The following PTPRG variants were observed in gnomAD, a reference collection of about 807,000 sequenced individuals.
PTPRG encodes the protein protein tyrosine phosphatase receptor type G.
In PTPRG, 102 loss-of-function variants were observed where a neutral mutation model predicts 165.3. The ratio of observed to expected loss-of-function variants is 0.62; its 90% CI spans 0.53 to 0.73. PTPRG has a LOEUF of 0.73. Among genes scored for constraint, PTPRG ranks in the 30% least tolerant of loss-of-function variants. The pLI is 0.00. For synonymous variants in PTPRG, 675 were observed against 669.5 expected (o/e 1.01, Z -0.13); for missense variants, 1,866 against 1,861.4 (o/e 1.00, Z -0.05).
chr3:62,094,406 T>C (rs1702041045), intron 5 of PTPRG, among the ~76,000 whole-genome samples: 1 of 151,336 alleles, frequency 6.6e-6, no homozygotes, highest in East Asian at 1.9e-4. Context: ...GTGGAGATCT[T>C]GTACTTTGGA....
At chr3:61,795,298 G>A (rs2035009912) in intron 2 of PTPRG, among the ~76,000 whole-genome samples, 1 of 152,058 alleles carries the variant, frequency 6.6e-6, no homozygotes, top group Non-Finnish European at 1.5e-5. Context: ...GGCTGGTGAA[G>A]GTCAAGAAGT....
At chr3:61,773,090 G>T (rs1336466851) in intron 2 of PTPRG, among the ~76,000 whole-genome samples, 1 of 152,162 alleles carries the variant, frequency 6.6e-6, no homozygotes, top group African/African-American at 2.4e-5. Flanking sequence ...AAAACATGCA[G>T]GTGTCTATCT....
intron 2 of PTPRG, among the ~76,000 whole-genome samples, chr3:61,868,813 G>C (rs561814084): frequency 1.3e-4 from 20 of 152,096 alleles, no homozygotes; most frequent in Non-Finnish European, 2.2e-4. Flanking sequence ...AACTCCTTTG[G>C]GCATTGGTCT....
At chr3:61,757,738 T>C (rs1008240717) in intron 2 of PTPRG, among the ~76,000 whole-genome samples, 3 of 152,216 alleles carry the variant, frequency 2.0e-5, no homozygotes, top group Non-Finnish European at 4.4e-5. Context: ...ATACAGAAGT[T>C]GTATATAAAT....
chr3:61,893,144 T>G (rs1236193973), intron 2 of PTPRG, among the ~76,000 whole-genome samples: 2 of 152,294 alleles, frequency 1.3e-5, no homozygotes, highest in East Asian at 3.9e-4. Flanking sequence ...GTGGAGGAAG[T>G]TCTAATTGGA....
chr3:61,826,808 T>C (rs1178806844), intron 2 of PTPRG, among the ~76,000 whole-genome samples: 1 of 151,248 alleles, frequency 6.6e-6, no homozygotes, highest in East Asian at 1.9e-4. Flanking sequence ...TAGCCAAATA[T>C]AAAACGTTCT....
intron 2 of PTPRG, among the ~76,000 whole-genome samples, chr3:61,771,963 G>A (rs917613163): frequency 3.3e-5 from 5 of 151,268 alleles, no homozygotes; most frequent in African/African-American, 1.2e-4. Flanking sequence ...AGGAGGCTGA[G>A]GCAGGAGAAT....
chr3:61,932,042 A>G (rs987182737), intron 2 of PTPRG, among the ~76,000 whole-genome samples: 8 of 152,204 alleles, frequency 5.3e-5, no homozygotes, highest in Non-Finnish European at 1.2e-4. Flanking sequence ...TATTTAAAAC[A>G]TGTTTTTTGC....
intron 5 of PTPRG, among the ~76,000 whole-genome samples, chr3:62,118,720 A>G (rs142112747): frequency 4.1e-4 from 63 of 152,320 alleles, no homozygotes; most frequent in Non-Finnish European, 7.2e-4. Context: ...TATACAGTGG[A>G]AAAATAATGC....
intron 2 of PTPRG, among the ~76,000 whole-genome samples, chr3:61,776,917 C>A (rs62243165): frequency 3.3e-5 from 5 of 152,100 alleles, no homozygotes; most frequent in Non-Finnish European, 7.3e-5. Context: ...ACTTTACTTA[C>A]TATTTCTGCA....
intron 1 of PTPRG, among the ~76,000 whole-genome samples, chr3:61,727,855 G>A (rs2032327687): frequency 6.6e-6 from 1 of 152,162 alleles, no homozygotes; most frequent in South Asian, 2.1e-4. Context: ...CTTCTCAGCA[G>A]TTTGCGAAGC....
intron 1 of PTPRG, among the ~76,000 whole-genome samples, chr3:61,580,751 C>G (rs1460556855): frequency 1.3e-5 from 2 of 152,126 alleles, no homozygotes; most frequent in Non-Finnish European, 2.9e-5. Context: ...ATTCCTGTGG[C>G]TAAGAATAAA....
intron 2 of PTPRG, among the ~76,000 whole-genome samples, chr3:61,836,052 C>G (rs1305209171): frequency 7.7e-5 from 2 of 26,030 alleles, no homozygotes; most frequent in Middle Eastern, 0.028. Context: ...CCCCCCGCGC[C>G]CCCCCCCACC....
Position 61,889,430 on chromosome 3 carries a change from A to G in PTPRG, c.191-100195A>G, listed in dbSNP as rs571458714. 1.6e-4 allele frequency among the ~76,000 whole-genome samples: 24 copies of G among 152,330 alleles called. No individual in the cohort carries two copies. The South Asian group carries it at 4.8e-3, about 30-fold the overall frequency. On this transcript the variant is annotated intron_variant, in intron 2 of 29. Coordinates refer to ENST00000474889, the MANE Select transcript of PTPRG (RefSeq NM_002841.4). ...CTCTTCAAGCTGATCATTGTGTTATATATCCATGACCCTAACTTGTACATG... is the reference window on the plus strand; with the variant it reads ...CTCTTCAAGCTGATCATTGTGTTATGTATCCATGACCCTAACTTGTACATG...
intron 4 of PTPRG, among the ~76,000 whole-genome samples, chr3:62,017,123 G>A (rs2041565239): frequency 6.6e-6 from 1 of 152,158 alleles, no homozygotes; most frequent in Non-Finnish European, 1.5e-5. Context: ...GGCTGCTAAT[G>A]AACATAGTCC....
intron 2 of PTPRG, among the ~76,000 whole-genome samples, chr3:61,834,501 G>C (rs1054275249): frequency 3.9e-5 from 6 of 152,004 alleles, no homozygotes; most frequent in African/African-American, 1.4e-4. Context: ...TTCAAGACTA[G>C]CCTAGTGAGA....
chr3:61,760,794 C>G (rs367656368), intron 2 of PTPRG, among the ~76,000 whole-genome samples: 19 of 152,152 alleles, frequency 1.2e-4, no homozygotes, highest in African/African-American at 4.1e-4. Flanking sequence ...GTGTGTTGTT[C>G]TTTTCCCTGT....
intron 2 of PTPRG, among the ~76,000 whole-genome samples, chr3:61,817,018 CTATATAATATATAGTATATAA>C (rs928997978): frequency 1.2e-5 from 1 of 82,802 alleles, no homozygotes; most frequent in Non-Finnish European, 2.6e-5. Flanking sequence ...AATATATATA[CTATATAATATATAGTATATAA>C]TATATAATAT....
At chr3:61,728,943 T>C (rs1322160455) in intron 1 of PTPRG, among the ~76,000 whole-genome samples, 1 of 151,244 alleles carries the variant, frequency 6.6e-6, no homozygotes, top group Non-Finnish European at 1.5e-5. Context: ...GTTCCTGTAG[T>C]CCTGGTTACT....
Sources: gnomAD v4.1 joint callset for allele counts (sites outside exome capture counted in the v4.1 genomes callset) on GRCh38, gnomAD v4.1.1 for gene constraint, MANE v1.5 for transcripts, NCBI Gene and HGNC (gene_info 2026-07-23, HGNC 2026-07-21) for gene names.